SYT13: variants seen among roughly 807,000 people sequenced by gnomAD.
The protein encoded by SYT13 is synaptotagmin-13.
SYT13 carries 21 observed loss-of-function variants against 38.6 expected under a neutral mutation model. The observed-to-expected ratio is 0.54, with a 90% CI of 0.39 to 0.78. The LOEUF is 0.78. SYT13 is among the 30% of genes least tolerant of loss of function. SYT13 has a pLI of 0.00. For missense variants in SYT13, 495 were observed against 548.7 expected, an observed-to-expected ratio of 0.90 and a Z score of 0.98; for synonymous variants, 241 against 237.6, an observed-to-expected ratio of 1.01 and a Z score of -0.13.
At chr11:45,281,100 G>A (rs1385292444) in intron 1 of SYT13, among the ~76,000 whole-genome samples, 1 of 152,028 alleles carries the variant, frequency 6.6e-6, no homozygotes, top group Non-Finnish European at 1.5e-5. Flanking sequence ...GAAGGCTGAG[G>A]CAAGAGAATT....
At chr11:45,265,086 G>A (rs543557346) in intron 1 of SYT13, among the ~76,000 whole-genome samples, 35 of 152,346 alleles carry the variant, frequency 2.3e-4, no homozygotes, top group African/African-American at 8.2e-4. Flanking sequence ...GCTGAAAGCA[G>A]CCCAGCCTTC....
At chr11:45,274,762 A>C (rs995212461) in intron 1 of SYT13, among the ~76,000 whole-genome samples, 1 of 152,212 alleles carries the variant, frequency 6.6e-6, no homozygotes, top group African/African-American at 2.4e-5. Context: ...TTCTATTTGA[A>C]AAGCAAAGTC....
rs771812316 is a variant in SYT13, at chr11:45,252,477, C to T, written c.790G>A (p.Gly264Arg). Residue 264 changes from glycine to arginine, a missense_variant, in exon 4 of 6, where the codon GGG (glycine) becomes AGG (arginine). By Grantham distance (125) the Gly-to-Arg change is moderately radical. Transcript: ENST00000020926. The surrounding 1 kb of genome is among the most constrained non-coding windows in gnomAD (Gnocchi z 4.3). ...VAGELRLGLD[G>R]TSVPLGAAQW... The stretch of plus-strand genomic sequence containing the variant: ...GCAGCCCCTAGAGGCACAGATGTCC[C>T]GTCCAGGCCCAGGCGGAGCTCCCCG... 9.3e-6 allele frequency: 15 copies of T among 1,612,272 alleles called. No individual in the cohort carries two copies. Among genetic ancestry groups the T allele is most frequent in the Middle Eastern group, 1.6e-4 (1 of 6,066 alleles).
intron 1 of SYT13, among the ~76,000 whole-genome samples, chr11:45,256,888 T>C (rs758387283): frequency 6.6e-6 from 1 of 152,188 alleles, no homozygotes; most frequent in Non-Finnish European, 1.5e-5. Flanking sequence ...CAAAATCAAT[T>C]TCCCTTTGCA....
In SYT13 at chr11:45,252,787, C is replaced by T. The variant is rs548166983; in HGVS notation, c.545-65G>A. The T allele has an allele frequency of 2.7e-4, 405 of 1,500,010 alleles. 5 individuals carry two copies. In the South Asian group the frequency reaches 5.1e-3, roughly 19 times the overall value. 92.9% of individuals were successfully genotyped at this position (1,500,010 alleles called of 1,614,324 possible). ...AGGACAAGTGGAGGGGGCAGAAGCA[C>T]GCCTTGCTTAGGGCTGTGGAATCCA... On this transcript the variant is annotated intron_variant, in intron 3 of 5. Transcript: ENST00000020926. The surrounding 1 kb of genome is among the most constrained non-coding windows in gnomAD (Gnocchi z 4.3).
intron 5 of SYT13, 29 bp from the exon 6 acceptor site, chr11:45,244,385 CAGAG>C (rs1565373126): frequency 1.3e-6 from 2 of 1,596,070 alleles, no homozygotes; most frequent in Non-Finnish European, 1.7e-6. Flanking sequence ...GAAAAAGAGA[CAGAG>C]AGAAGGGACA....
At chr11:45,248,656 C>T (rs976306503) in intron 4 of SYT13, among the ~76,000 whole-genome samples, 2 of 152,190 alleles carry the variant, frequency 1.3e-5, no homozygotes, top group Non-Finnish European at 2.9e-5. Flanking sequence ...GAGGTGACTG[C>T]AGAGTTGGGA....
intron 1 of SYT13, among the ~76,000 whole-genome samples, chr11:45,276,304 CTA>C (rs1179764487): frequency 6.6e-6 from 1 of 152,150 alleles, no homozygotes; most frequent in East Asian, 1.9e-4. Flanking sequence ...AAGCTGGAAA[CTA>C]TCATTCTCAG....
At chr11:45,254,557 T>TG in intron 2 of SYT13, 153 bp from the exon 3 acceptor site, 1 of 1,063,920 alleles carries the variant, frequency 9.4e-7, no homozygotes, top group East Asian at 2.8e-5. Context: ...AGACAACAGG[T>TG]GGGGTCAATG....
At chr11:45,265,712 C>T (rs34910289) in intron 1 of SYT13, among the ~76,000 whole-genome samples, 1,978 of 152,248 alleles carry the variant, frequency 0.013, 32 homozygotes, top group Non-Finnish European at 0.021. Context: ...CTGATCACCC[C>T]TCAAAGGGCC....
chr11:45,261,457 A>T lies in SYT13; in HGVS notation c.184-5566T>A, dbSNP rs575210340. Among the ~76,000 whole-genome samples, 3 of 152,174 alleles carry T rather than the reference A, an allele frequency of 2.0e-5. No homozygotes were observed. In the South Asian group the frequency reaches 6.2e-4, roughly 32 times the overall value. On this transcript the variant is annotated intron_variant, in intron 1 of 5. Coordinates refer to ENST00000020926, the MANE Select transcript of SYT13 (RefSeq NM_020826.3). ...ACACACACACACAAAAATTAGCTGG[A>T]CATGGTGGCAGGCGCCTGTAATCCC...
At chr11:45,257,641 C>T (rs541606008) in intron 1 of SYT13, among the ~76,000 whole-genome samples, 46 of 152,360 alleles carry the variant, frequency 3.0e-4, no homozygotes, top group African/African-American at 1.1e-3. Context: ...TTTGTACCCT[C>T]TTTATTTAAT....
At chr11:45,246,551 T>C (rs1854616714) in intron 4 of SYT13, 39 bp from the exon 5 acceptor site, 2 of 1,606,442 alleles carry the variant, frequency 1.2e-6, no homozygotes, top group Non-Finnish European at 8.5e-7. Context: ...GAGTCTCACC[T>C]GGGGACGCCT....
At chr11:45,248,187 A>G (rs1470370281) in intron 4 of SYT13, among the ~76,000 whole-genome samples, 2 of 152,172 alleles carry the variant, frequency 1.3e-5, no homozygotes, top group East Asian at 3.8e-4. Context: ...GGAGCCTCAA[A>G]GGATCTTGGC....
Position 45,255,908 on chromosome 11 carries a change from C to G in SYT13, c.184-17G>C, listed in dbSNP as rs367717808. Reference sequence around the variant, plus strand: ...AACATTGAACTGCAAACACAAATTACTCTGATTAGTCCACAAAGGAGCCCT... The same window carrying G: ...AACATTGAACTGCAAACACAAATTAGTCTGATTAGTCCACAAAGGAGCCCT... On this transcript the variant is annotated splice_polypyrimidine_tract_variant and intron_variant, in intron 1 of 5. Transcript: ENST00000020926. 1 of 1,612,860 alleles carries G rather than the reference C, an allele frequency of 6.2e-7. No individual in the cohort carries two copies. Among genetic ancestry groups the G allele is most frequent in the African/African-American group, 1.3e-5 (1 of 74,898 alleles).
intron 1 of SYT13, among the ~76,000 whole-genome samples, chr11:45,281,615 C>T (rs11038379): frequency 1.8e-4 from 27 of 150,456 alleles, no homozygotes; most frequent in Middle Eastern, 3.2e-3. Context: ...TGCAGTGAGC[C>T]GAGATCATGC....
chr11:45,278,215 G>A (rs1855032345), intron 1 of SYT13, among the ~76,000 whole-genome samples: 1 of 152,126 alleles, frequency 6.6e-6, no homozygotes, highest in Non-Finnish European at 1.5e-5. Context: ...TCCATCCTCA[G>A]AGCAGATTTT....
intron 1 of SYT13, among the ~76,000 whole-genome samples, chr11:45,267,552 C>T (rs972946443): frequency 6.6e-6 from 1 of 152,142 alleles, no homozygotes; most frequent in Non-Finnish European, 1.5e-5. Context: ...GAGCCCCAAA[C>T]ATCCAGGTAG....
At chr11:45,246,141 T>G (rs1223563734) in intron 5 of SYT13, among the ~76,000 whole-genome samples, 1 of 152,202 alleles carries the variant, frequency 6.6e-6, no homozygotes, top group Non-Finnish European at 1.5e-5. Flanking sequence ...TAGCTCACAC[T>G]GGGGTCCTAA....
Sources: gnomAD v4.1 joint callset for allele counts (sites outside exome capture counted in the v4.1 genomes callset) on GRCh38, gnomAD v4.1.1 for gene constraint, Gnocchi (gnomAD v3.1) non-coding constraint, MANE v1.5 for transcripts, NCBI Gene and HGNC (gene_info 2026-07-23, HGNC 2026-07-21) for gene names.